The following NTM variants were observed in gnomAD, a reference collection of about 807,000 sequenced individuals.
The protein encoded by NTM is neurotrimin, also known as IgLON family member 2.
NTM carries 13 observed loss-of-function variants against 42.1 expected under a neutral mutation model. That is an observed-to-expected ratio of 0.31 (90% CI 0.20 to 0.49). The LOEUF (loss-of-function observed/expected upper bound fraction) is 0.49, where lower values mean the gene tolerates loss of function less well. Ranked by LOEUF, NTM falls within the 20% of genes least tolerant of loss-of-function variation. The pLI, the probability that NTM is intolerant of heterozygous loss-of-function variation, is 0.99. For missense variants in NTM, 373 were observed against 452.8 expected (o/e 0.82, Z 1.60); for synonymous variants, 187 against 179.2 (o/e 1.04, Z -0.35).
intron 2 of NTM, among the ~76,000 whole-genome samples, chr11:131,976,708 G>T (rs2064438208): frequency 6.6e-6 from 1 of 152,102 alleles, no homozygotes; most frequent in Non-Finnish European, 1.5e-5. Context: ...ATAGGTCACG[G>T]ACAGACTCAA....
At chr11:131,508,020 C>A (rs1406992970) in intron 1 of NTM, among the ~76,000 whole-genome samples, 19 of 151,632 alleles carry the variant, frequency 1.3e-4, no homozygotes, top group African/African-American at 2.9e-4. Context: ...GCAACAAAAG[C>A]CAAAATTGAC....
chr11:132,240,604 G>T (rs372715083), intron 4 of NTM, among the ~76,000 whole-genome samples: 1 of 152,220 alleles, frequency 6.6e-6, no homozygotes, highest in Non-Finnish European at 1.5e-5. Context: ...GCAGCTGTTC[G>T]CTGGAGACTA....
intron 1 of NTM, among the ~76,000 whole-genome samples, chr11:131,646,544 G>A (rs2134282998): frequency 6.6e-6 from 1 of 152,292 alleles, no homozygotes; most frequent in African/African-American, 2.4e-5. Flanking sequence ...TTTATATGCA[G>A]ATTTTAGATG....
At chr11:131,441,314 C>A (rs184465480) in intron 1 of NTM, among the ~76,000 whole-genome samples, 1 of 152,210 alleles carries the variant, frequency 6.6e-6, no homozygotes, top group South Asian at 2.1e-4. Context: ...GAATGCTTCC[C>A]AGAACTAAAT....
chr11:131,629,280 A>G (rs1157254873), intron 1 of NTM, among the ~76,000 whole-genome samples: 2 of 152,070 alleles, frequency 1.3e-5, no homozygotes, highest in African/African-American at 4.8e-5. Flanking sequence ...CAGAATGTCT[A>G]TGTCATTTCA....
rs140571247 is a variant in NTM at position 131,493,704 on chromosome 11, T to G, written c.82+122816T>G. Reference sequence around the variant, plus strand: ...TGAAGCCCAGAGACATTAAGTGACTTTTCCAAAGGATAAATCACAGTTAAA... The same window carrying G: ...TGAAGCCCAGAGACATTAAGTGACTGTTCCAAAGGATAAATCACAGTTAAA... On this transcript the variant is annotated intron_variant, in intron 1 of 8. Coordinates refer to ENST00000683400, the MANE Select transcript of NTM (RefSeq NM_001352005.2). Among the ~76,000 whole-genome samples the G allele has an allele frequency of 2.7e-3, 416 of 152,318 alleles. 2 individuals are homozygous for G. Among genetic ancestry groups the G allele is most frequent in the African/African-American group, 9.5e-3 (393 of 41,562 alleles).
intron 2 of NTM, among the ~76,000 whole-genome samples, chr11:131,942,139 T>C (rs149549555): frequency 6.6e-6 from 1 of 152,222 alleles, no homozygotes; most frequent in African/African-American, 2.4e-5. Context: ...AGCTGTAAAG[T>C]AAATGGAACA....
At chr11:131,928,043 T>A (rs1284983414) in intron 2 of NTM, among the ~76,000 whole-genome samples, 1 of 152,196 alleles carries the variant, frequency 6.6e-6, no homozygotes, top group Non-Finnish European at 1.5e-5. Context: ...CCTTTGTTTT[T>A]TTTTTAATCT....
intron 2 of NTM, among the ~76,000 whole-genome samples, chr11:131,991,642 C>T (rs987920307): frequency 6.6e-6 from 1 of 152,084 alleles, no homozygotes; most frequent in Admixed American, 6.5e-5. Flanking sequence ...TATTTTAGGA[C>T]ACAGGGAAAG....
intron 1 of NTM, among the ~76,000 whole-genome samples, chr11:131,374,360 A>T (rs1208701609): frequency 6.6e-6 from 1 of 152,218 alleles, no homozygotes; most frequent in Non-Finnish European, 1.5e-5. Context: ...CCTGGCCGGC[A>T]GGTCTCGCTG....
intron 4 of NTM, among the ~76,000 whole-genome samples, chr11:132,278,730 C>T (rs1382286490): frequency 1.4e-5 from 2 of 143,860 alleles, no homozygotes; most frequent in Non-Finnish European, 3.0e-5. Flanking sequence ...TCTTTCTTAA[C>T]CTTCATTTGG....
At chr11:132,073,429 T>C (rs2057964599) in intron 2 of NTM, among the ~76,000 whole-genome samples, 1 of 152,146 alleles carries the variant, frequency 6.6e-6, no homozygotes, top group African/African-American at 2.4e-5. Context: ...AGTTGTATGT[T>C]TGCAAAGTAC....
Position 132,233,894 on chromosome 11 carries a change from G to A in NTM, c.526+21747G>A, listed in dbSNP as rs547221528. Among the ~76,000 whole-genome samples the A allele has an allele frequency of 2.6e-5, 4 of 152,304 alleles. No individual in the cohort carries two copies. The South Asian group carries it at 8.3e-4, about 32-fold the overall frequency. On this transcript the variant is annotated intron_variant, in intron 4 of 8. Coordinates refer to ENST00000683400, the MANE Select transcript of NTM (RefSeq NM_001352005.2). ...GATAGTTCTCACATCCATTCCAAAT[G>A]ATGCCCACTTCTCTGTCTTCCAAGA...
chr11:131,654,416 G>A (rs2066909862), intron 1 of NTM, among the ~76,000 whole-genome samples: 1 of 152,038 alleles, frequency 6.6e-6, no homozygotes, highest in African/African-American at 2.4e-5. Flanking sequence ...GTATTGAAAA[G>A]CAACTCGTCC....
intron 3 of NTM, among the ~76,000 whole-genome samples, chr11:132,194,681 C>T (rs1374198347): frequency 6.6e-6 from 1 of 152,106 alleles, no homozygotes; most frequent in East Asian, 1.9e-4. Context: ...CAAACTATCT[C>T]TCTTCACAGA....
intron 1 of NTM, among the ~76,000 whole-genome samples, chr11:131,411,290 G>A (rs1008153961): frequency 6.6e-6 from 1 of 152,124 alleles, no homozygotes; most frequent in Admixed American, 6.5e-5. Context: ...TTAACCTCCA[G>A]ATTTTCAAAA....
chr11:131,437,240 C>T (rs2135951193), intron 1 of NTM, among the ~76,000 whole-genome samples: 1 of 152,292 alleles, frequency 6.6e-6, no homozygotes, highest in Non-Finnish European at 1.5e-5. Flanking sequence ...CGATGTGGTG[C>T]TGAGAAGAAT....
At chr11:131,965,026 T>C (rs1340619529) in intron 2 of NTM, among the ~76,000 whole-genome samples, 3 of 151,914 alleles carry the variant, frequency 2.0e-5, no homozygotes, top group Non-Finnish European at 4.4e-5. Flanking sequence ...ATGGGAGGAT[T>C]ACGCTGGAAC....
At chr11:131,650,895 G>T (rs1228318759) in intron 1 of NTM, among the ~76,000 whole-genome samples, 1 of 152,196 alleles carries the variant, frequency 6.6e-6, no homozygotes, top group African/African-American at 2.4e-5. Flanking sequence ...TCCAGTGCTA[G>T]CTCCACATGT....
Sources: gnomAD v4.1 joint callset for allele counts (sites outside exome capture counted in the v4.1 genomes callset) on GRCh38, gnomAD v4.1.1 for gene constraint, MANE v1.5 for transcripts, NCBI Gene and HGNC (gene_info 2026-07-23, HGNC 2026-07-21) for gene names.